The following CNTN5 variants were observed in gnomAD, a reference collection of about 807,000 sequenced individuals.
CNTN5 encodes contactin-5.
In CNTN5, 77 loss-of-function variants were observed where a neutral mutation model predicts 129.1. The ratio of observed to expected loss-of-function variants is 0.60; its 90% CI spans 0.50 to 0.72. The LOEUF (loss-of-function observed/expected upper bound fraction) is 0.72, where lower values mean the gene tolerates loss of function less well. CNTN5 is among the 30% of genes least tolerant of loss of function. The pLI is 0.00. For synonymous variants in CNTN5, 509 were observed against 465.6 expected (o/e 1.09, Z -1.20); for missense variants, 1,478 against 1,328.8 (o/e 1.11, Z -1.75).
At chr11:100,299,127 T>C (rs1417322290) in intron 19 of CNTN5, 35 bp from the exon 20 acceptor site, 1 of 1,334,080 alleles carries the variant, frequency 7.5e-7, no homozygotes, top group African/African-American at 1.5e-5. Context: ...TAATCAATCA[T>C]TTTGCTGATA....
At chr11:99,157,177 C>A (rs535379398) in intron 1 of CNTN5, among the ~76,000 whole-genome samples, 2 of 151,664 alleles carry the variant, frequency 1.3e-5, no homozygotes, top group Admixed American at 6.6e-5. Context: ...TGTAAATGAT[C>A]GTTTCTATTA....
chr11:99,712,472 CTTTAG>C (rs1219648740), intron 3 of CNTN5, among the ~76,000 whole-genome samples: 1 of 152,070 alleles, frequency 6.6e-6, no homozygotes, highest in Non-Finnish European at 1.5e-5. Flanking sequence ...TGCAGTAGCT[CTTTAG>C]TTTAATTATA....
intron 3 of CNTN5, among the ~76,000 whole-genome samples, chr11:99,787,631 G>A (rs1369643217): frequency 6.6e-6 from 1 of 151,714 alleles, no homozygotes; most frequent in Non-Finnish European, 1.5e-5. Context: ...AACAGAAATG[G>A]TTTACAATTG....
chr11:99,784,414 C>G (rs1167790618), intron 3 of CNTN5, among the ~76,000 whole-genome samples: 2 of 151,932 alleles, frequency 1.3e-5, no homozygotes, highest in Non-Finnish European at 2.9e-5. Context: ...GTGTATGTTC[C>G]TGTGTTAATT....
chr11:99,373,163 C>G (rs1279822184), intron 2 of CNTN5, among the ~76,000 whole-genome samples: 1 of 151,672 alleles, frequency 6.6e-6, no homozygotes, highest in Non-Finnish European at 1.5e-5. Flanking sequence ...GAGCCGAGAT[C>G]GCACCATTGC....
chr11:100,072,989 G>GAAAAAAAAAAA (rs1943983679), intron 12 of CNTN5, among the ~76,000 whole-genome samples: 6 of 18,008 alleles, frequency 3.3e-4, no homozygotes, highest in African/African-American at 7.1e-4. Context: ...TTCCCAGGAG[G>GAAAAAAAAAAA]CAAAAAAAAA....
rs535980959 is a variant in CNTN5 at position 100,357,854 on chromosome 11, G to A, written c.*1634G>A. ...AGCCACAGTAAAAGTCTGTATGTAG[G>A]TTACATATTCTCTTTGGGGAAATGA... On this transcript the variant is annotated 3_prime_UTR_variant, in exon 25 of 25. Transcript: ENST00000524871. 6.6e-6 allele frequency: 1 copy of A among 151,786 alleles called. No individual in the cohort carries two copies. Among genetic ancestry groups the A allele is most frequent in the African/African-American group, 2.4e-5 (1 of 41,496 alleles). The allele number at this position is 151,786 out of a possible 1,614,324, so 9.4% of individuals were successfully genotyped here.
intron 8 of CNTN5, among the ~76,000 whole-genome samples, chr11:99,974,192 TTA>T (rs1937774551): frequency 1.3e-5 from 2 of 152,330 alleles, no homozygotes; most frequent in African/African-American, 4.8e-5. Flanking sequence ...CATTTTGAGC[TTA>T]TCTTTTTTTT....
At chr11:99,598,357 T>C (rs868122113) in intron 3 of CNTN5, among the ~76,000 whole-genome samples, 11,559 of 45,452 alleles carry the variant, frequency 0.25, 3,143 homozygotes, top group Non-Finnish European at 0.27. Flanking sequence ...TCTCTCTCTC[T>C]CTCTCTCTCT....
chr11:99,171,703 T>C (rs987309251), intron 1 of CNTN5, among the ~76,000 whole-genome samples: 1 of 152,200 alleles, frequency 6.6e-6, no homozygotes, highest in Non-Finnish European at 1.5e-5. Flanking sequence ...AAAAAAACTC[T>C]TCGTGTTATG....
intron 9 of CNTN5, among the ~76,000 whole-genome samples, chr11:100,039,390 T>A (rs890052603): frequency 1.3e-5 from 2 of 152,174 alleles, no homozygotes; most frequent in Non-Finnish European, 2.9e-5. Context: ...TTCTCTCTGG[T>A]TGCCCTTAAC....
At chr11:99,321,655 C>T (rs282488) in intron 1 of CNTN5, among the ~76,000 whole-genome samples, 42,342 of 151,938 alleles carry the variant, frequency 0.28, 6,337 homozygotes, top group African/African-American at 0.38. Flanking sequence ...AAGGGAAACC[C>T]ACACCTAAGA....
chr11:100,108,011 A>G (rs1237501526), intron 13 of CNTN5, among the ~76,000 whole-genome samples: 1 of 151,366 alleles, frequency 6.6e-6, no homozygotes, highest in Admixed American at 6.6e-5. Context: ...TTGTAAAGAA[A>G]AGGCCTAAGT....
chr11:99,282,736 C>CT (rs1394405974), intron 1 of CNTN5, among the ~76,000 whole-genome samples: 5 of 152,158 alleles, frequency 3.3e-5, no homozygotes, highest in Non-Finnish European at 5.9e-5. Context: ...AAAGTAAACT[C>CT]TAAGTAACAG....
intron 13 of CNTN5, among the ~76,000 whole-genome samples, chr11:100,179,709 G>T (rs904771197): frequency 2.0e-5 from 3 of 151,910 alleles, no homozygotes; most frequent in Non-Finnish European, 4.4e-5. Context: ...GAATTCACTT[G>T]TTACTAGATT....
intron 1 of CNTN5, among the ~76,000 whole-genome samples, chr11:99,204,471 A>G (rs567741632): frequency 6.6e-6 from 1 of 152,226 alleles, no homozygotes; most frequent in South Asian, 2.1e-4. Flanking sequence ...ATATTGACAT[A>G]CCTCCTCCCT....
intron 6 of CNTN5, among the ~76,000 whole-genome samples, chr11:99,863,072 A>G (rs1185677286): frequency 1.3e-5 from 2 of 152,160 alleles, no homozygotes; most frequent in Non-Finnish European, 2.9e-5. Flanking sequence ...CATTAGCTCA[A>G]GCAAAAACTG....
chr11:100,173,013 G>T (rs923649578), intron 13 of CNTN5, among the ~76,000 whole-genome samples: 2 of 151,996 alleles, frequency 1.3e-5, no homozygotes, highest in Non-Finnish European at 2.9e-5. Flanking sequence ...CTCAAATAAG[G>T]TAGGGGAGGT....
intron 2 of CNTN5, among the ~76,000 whole-genome samples, chr11:99,475,618 A>G (rs2135290893): frequency 6.6e-6 from 1 of 152,194 alleles, no homozygotes; most frequent in East Asian, 1.9e-4. Flanking sequence ...AATAATTTTG[A>G]TTATGCCATA....
Sources: allele counts gnomAD v4.1 joint callset (sites outside exome capture counted in the v4.1 genomes callset), GRCh38; gene constraint gnomAD v4.1.1; transcripts MANE v1.5; gene names NCBI Gene and HGNC (gene_info 2026-07-23, HGNC 2026-07-21).